Variants in TRAPPC8 observed in about 807,000 individuals in gnomAD.
TRAPPC8 encodes general sporulation gene 1 homolog.
TRAPPC8 carries 54 observed loss-of-function variants against 174.3 expected under a neutral mutation model. The ratio of observed to expected loss-of-function variants is 0.31; its 90% CI spans 0.25 to 0.39. The LOEUF (loss-of-function observed/expected upper bound fraction) is 0.39, where lower values mean the gene tolerates loss of function less well. Among genes scored for constraint, TRAPPC8 ranks in the 10% least tolerant of loss-of-function variants. The probability of loss-of-function intolerance (pLI) is 1.00; values close to 1 mark genes in which losing one functional copy is unlikely to be tolerated. For missense variants in TRAPPC8, 1,531 were observed against 1,699.1 expected (o/e 0.90, Z 1.74); for synonymous variants, 630 against 579.9 (o/e 1.09, Z -1.24).
intron 1 of TRAPPC8, among the ~76,000 whole-genome samples, chr18:31,936,876 T>C (rs1447052609): frequency 3.2e-5 from 4 of 126,382 alleles, no homozygotes; most frequent in African/African-American, 1.3e-4. Flanking sequence ...CACTGCAGTC[T>C]GGGTGACAGA....
chr18:31,880,132 T>TC (rs1568083243), intron 12 of TRAPPC8, among the ~76,000 whole-genome samples: 5 of 135,264 alleles, frequency 3.7e-5, no homozygotes, highest in African/African-American at 1.4e-4. Context: ...TTTTTTTTTT[T>TC]TTAAGGAAGA....
intron 24 of TRAPPC8, among the ~76,000 whole-genome samples, chr18:31,851,911 T>A (rs2033724925): frequency 6.6e-6 from 1 of 152,208 alleles, no homozygotes; most frequent in Admixed American, 6.5e-5. Flanking sequence ...ACTTACTTCA[T>A]ACGATAGTCT....
intron 2 of TRAPPC8, among the ~76,000 whole-genome samples, chr18:31,918,618 G>A (rs190573038): frequency 2.6e-5 from 4 of 152,326 alleles, no homozygotes; most frequent in Admixed American, 2.6e-4. Context: ...TGTAAATGGT[G>A]ATATGGCTGG....
chr18:31,883,574 C>T (rs188820865), intron 12 of TRAPPC8: 2 of 153,178 alleles, frequency 1.3e-5, no homozygotes, highest in Admixed American at 6.5e-5. Context: ...GCTCTGAACT[C>T]ACCAGGTACT....
chr18:31,873,007 CTTTTTTTTTTTTTTTTT>C (rs59209328), intron 14 of TRAPPC8, among the ~76,000 whole-genome samples: 2 of 74,600 alleles, frequency 2.7e-5, no homozygotes, highest in African/African-American at 5.9e-5. Context: ...ATTCATTTTC[CTTTTTTTTTTTTTTTTT>C]TTTTTTTTTT....
At chr18:31,903,446 G>A (rs1158507396) in intron 9 of TRAPPC8, among the ~76,000 whole-genome samples, 2 of 152,118 alleles carry the variant, frequency 1.3e-5, no homozygotes. Flanking sequence ...TATACTACCA[G>A]ATTAGCCTAG....
intron 19 of TRAPPC8, 78 bp downstream of exon 19, chr18:31,864,549 A>C (rs2034494744): frequency 7.0e-7 from 1 of 1,427,272 alleles, no homozygotes; most frequent in Admixed American, 2.2e-5. Flanking sequence ...CAAAAACCTC[A>C]GAGCCTAAAA....
intron 2 of TRAPPC8, among the ~76,000 whole-genome samples, chr18:31,924,434 A>G (rs537132952): frequency 2.7e-5 from 4 of 149,948 alleles, no homozygotes; most frequent in Non-Finnish European, 5.9e-5. Flanking sequence ...AGCCTGGGCG[A>G]AAGAGCAAGA....
chr18:31,910,137 G>A (rs939711775), intron 5 of TRAPPC8, among the ~76,000 whole-genome samples: 6 of 152,122 alleles, frequency 3.9e-5, no homozygotes, highest in Admixed American at 3.9e-4. Context: ...AGAGTCAGAC[G>A]GGGAAAGAAG....
chr18:31,887,688 C>A (rs1462052358), intron 12 of TRAPPC8, among the ~76,000 whole-genome samples: 1 of 151,386 alleles, frequency 6.6e-6, no homozygotes, highest in Admixed American at 6.6e-5. Context: ...TTACGACAAA[C>A]CCACAGCCAA....
At position 31,908,759 on chromosome 18, in the gene TRAPPC8, C is replaced by T. The variant is rs201442013; in HGVS notation, c.1117G>A (p.Asp373Asn). ...HIEKTIRQLN[D>N]QLISRKGLSR... ...TCCAAAAAATCAAACCTTACCTGATCGTTTAATTGCCTAATTGTTTTCTCT... is the reference window on the plus strand; with the variant it reads ...TCCAAAAAATCAAACCTTACCTGATTGTTTAATTGCCTAATTGTTTTCTCT... The change falls in exon 7 of 29, where the codon GAT becomes AAT. Residue 373 changes from aspartate to asparagine, a missense_variant. Transcript: ENST00000283351. The T allele has an allele frequency of 3.2e-5, 50 of 1,585,984 alleles. 1 individual carries two copies. The highest frequency in any genetic ancestry group is 2.7e-5 in the Non-Finnish European group (31 of 1,162,762).
At chr18:31,849,126 T>C (rs115243760) in intron 25 of TRAPPC8, among the ~76,000 whole-genome samples, 1,656 of 152,258 alleles carry the variant, frequency 0.011, 31 homozygotes, top group African/African-American at 0.038. Flanking sequence ...AGATGAAATA[T>C]GTCATTTTAA....
intron 17 of TRAPPC8, 114 bp from the exon 18 acceptor site, chr18:31,867,089 C>A: frequency 1.8e-6 from 2 of 1,113,218 alleles, no homozygotes; most frequent in Non-Finnish European, 1.2e-6. Context: ...TTTTAAAATG[C>A]CAATTAATTT....
At chr18:31,876,383 A>T (rs2035142809) in intron 12 of TRAPPC8, among the ~76,000 whole-genome samples, 1 of 150,664 alleles carries the variant, frequency 6.6e-6, no homozygotes, top group Non-Finnish European at 1.5e-5. Context: ...CCAGCTACTC[A>T]GGAGGCTGAG....
In TRAPPC8 at chr18:31,855,813, G is replaced by GT. The variant is rs2033973393; in HGVS notation, c.3189-7dup. On this transcript the variant is annotated splice_region_variant and splice_polypyrimidine_tract_variant and intron_variant, in intron 20 of 28. Coordinates refer to ENST00000283351, the MANE Select transcript of TRAPPC8 (RefSeq NM_014939.5). ...TGTGTCTTAATATTCTGTGCCTGAA[G>GT]TTAAAAAAAAAAAAAAAAGCACATT... The GT allele has an allele frequency of 3.6e-6, 5 of 1,370,364 alleles. No homozygotes were observed. The highest frequency in any genetic ancestry group is 5.5e-5 in the East Asian group (2 of 36,666). The allele number at this position is 1,370,364 out of a possible 1,614,324, so 84.9% of individuals were successfully genotyped here. A position where few individuals can be genotyped will look rare whatever the true frequency, so the allele number is the denominator to read the frequency against.
chr18:31,939,844 C>G (rs2144329075), intron 1 of TRAPPC8: 2 of 152,292 alleles, frequency 1.3e-5, no homozygotes, highest in Admixed American at 1.3e-4. Flanking sequence ...GCCCTCCCAG[C>G]GTGGGTAACA....
chr18:31,848,314 C>G (rs1192810917), intron 25 of TRAPPC8, among the ~76,000 whole-genome samples: 3 of 140,484 alleles, frequency 2.1e-5, no homozygotes, highest in African/African-American at 7.7e-5. Flanking sequence ...TAACACTTTT[C>G]CCCTCATCAA....
intron 26 of TRAPPC8, among the ~76,000 whole-genome samples, chr18:31,840,398 G>A (rs2033024871): frequency 6.6e-6 from 1 of 151,968 alleles, no homozygotes; most frequent in Admixed American, 6.6e-5. Flanking sequence ...AGGGAGGCAG[G>A]GAGTTGGGGA....
intron 27 of TRAPPC8, among the ~76,000 whole-genome samples, chr18:31,836,134 A>C (rs1255028869): frequency 6.6e-6 from 1 of 152,184 alleles, no homozygotes; most frequent in Non-Finnish European, 1.5e-5. Context: ...CATGGGTATG[A>C]TCTGCAGACA....
Sources: gnomAD v4.1 joint callset for allele counts (sites outside exome capture counted in the v4.1 genomes callset) on GRCh38, gnomAD v4.1.1 for gene constraint, MANE v1.5 for transcripts, NCBI Gene and HGNC (gene_info 2026-07-23, HGNC 2026-07-21) for gene names.